ZNF880: variants seen among roughly 807,000 people sequenced by gnomAD.
The protein encoded by ZNF880 is zinc finger protein 880.
ZNF880 carries 12 observed loss-of-function variants against 11.8 expected under a neutral mutation model. That is an observed-to-expected ratio of 1.02 (90% CI 0.65 to 1.65). The LOEUF is 1.65. Among genes scored for constraint, ZNF880 ranks in the 40% most tolerant of loss-of-function variants. The pLI, the probability that ZNF880 is intolerant of heterozygous loss-of-function variation, is 0.00. For missense variants in ZNF880, 601 were observed against 673.9 expected (o/e 0.89, Z 1.20); for synonymous variants, 210 against 232.4 (o/e 0.90, Z 0.88).
upstream of ZNF880, among the ~76,000 whole-genome samples, chr19:52,368,679 T>G (rs1485439298): frequency 6.6e-6 from 1 of 152,166 alleles, no homozygotes; most frequent in Non-Finnish European, 1.5e-5. Context: ...AGCATGTATA[T>G]TTTTATATTT....
Position 52,384,521 on chromosome 19 carries a change from A to G in ZNF880, c.941A>G (p.His314Arg), listed in dbSNP as rs766510806. Residue 314 changes from histidine (H) to arginine (R), a missense_variant, in exon 4 of 4, where the codon CAT becomes CGT. By Grantham distance (29) the His-to-Arg change is conservative. Coordinates refer to ENST00000422689, the MANE Select transcript of ZNF880 (RefSeq NM_001145434.2). ...AACAGAAATGCACACCTTGCACGAC[A>G]TCAGAAAATTCATAGTGGAGAGAAA... Reference protein sequence around the residue: ...VFNRNAHLARHQKIHSGEKPY... With the variant: ...VFNRNAHLARRQKIHSGEKPY... 6 of 1,614,050 alleles carry G rather than the reference A, an allele frequency of 3.7e-6. No homozygotes were observed. Among genetic ancestry groups the G allele is most frequent in the Non-Finnish European group, 3.4e-6 (4 of 1,180,016 alleles).
chr19:52,384,481 T>C lies in ZNF880; in HGVS notation c.901T>C (p.Cys301Arg), dbSNP rs940427273. Residue 301 changes from cysteine to arginine, a missense_variant, in exon 4 of 4, where the codon TGT becomes CGT. Coordinates refer to ENST00000422689, the MANE Select transcript of ZNF880 (RefSeq NM_001145434.2). ...TGEKPYKCNE[C>R]GKVFNRNAHL... ...AGAGAAACCTTACAAATGTAATGAG[T>C]GTGGCAAGGTCTTCAACAGAAATGC... is the stretch of plus-strand genomic sequence containing the variant. 1.2e-6 allele frequency: 2 copies of C among 1,614,142 alleles called. No individual in the cohort carries two copies. The highest frequency in any genetic ancestry group is 1.7e-6 in the Non-Finnish European group (2 of 1,180,018).
In ZNF880 at chr19:52,374,359, A is replaced by C; in HGVS notation, c.200A>C (p.Asn67Thr). 6.2e-7 allele frequency: 1 copy of C among 1,612,988 alleles called. No individual in the cohort carries two copies. Among genetic ancestry groups the C allele is most frequent in the Non-Finnish European group, 8.5e-7 (1 of 1,179,192 alleles). ...SMLEQRRDPRNLQSEVKIANN... is the reference protein window; with the variant it reads ...SMLEQRRDPRTLQSEVKIANN... ...TTGGAGCAAAGGAGAGATCCCCGGA[A>C]TCTGCAGAGTGAAGTGAAAATAGCA... Residue 67 changes from asparagine (N) to threonine (T), a missense_variant, in exon 3 of 4, where the codon AAT becomes ACT. Asn to Thr is a moderately conservative substitution (Grantham distance 65, BLOSUM62 0). Transcript: ENST00000422689.
At chr19:52,373,024 G>T in intron 1 of ZNF880, 87 bp from the exon 2 acceptor site, 2 of 1,385,884 alleles carry the variant, frequency 1.4e-6, no homozygotes, top group Non-Finnish European at 2.0e-6. Flanking sequence ...GGATTTGTCA[G>T]AACATCCACT....
intron 3 of ZNF880, among the ~76,000 whole-genome samples, chr19:52,378,488 TA>T (rs1299089375): frequency 2.0e-5 from 3 of 149,918 alleles, no homozygotes; most frequent in South Asian, 2.1e-4. Context: ...ACTAAGAATA[TA>T]AAAAAAAATT....
upstream of ZNF880, among the ~76,000 whole-genome samples, chr19:52,368,957 CAG>C (rs1300997168): frequency 3.8e-5 from 3 of 79,156 alleles, no homozygotes; most frequent in Non-Finnish European, 6.5e-5. Context: ...GCCTGAAAGA[CAG>C]AGGGAGACCA....
intron 3 of ZNF880, chr19:52,374,837 T>G (rs896820462): frequency 2.7e-6 from 1 of 366,462 alleles, no homozygotes; most frequent in Non-Finnish European, 5.0e-6. Flanking sequence ...TGGGCTCATA[T>G]GATCATCTCA....
At chr19:52,368,398 T>C (rs1385502824), upstream of ZNF880, among the ~76,000 whole-genome samples, 1 of 152,176 alleles carries the variant, frequency 6.6e-6, no homozygotes, top group Non-Finnish European at 1.5e-5. Context: ...ATTTGAATTT[T>C]TGACCACTCT....
At chr19:52,392,396 G>A in the ZNF880 span, among the ~76,000 whole-genome samples, 1 of 152,138 alleles carries the variant, frequency 6.6e-6, no homozygotes, top group Non-Finnish European at 1.5e-5. Context: ...CACCTCCCGG[G>A]TTCAAGTGAT....
At chr19:52,373,669 ATTTT>A (rs35788651) in intron 2 of ZNF880, among the ~76,000 whole-genome samples, 1 of 102,578 alleles carries the variant, frequency 9.7e-6, no homozygotes, top group Admixed American at 1.2e-4. Context: ...AAATACTGTA[ATTTT>A]TTTTTTTTTT....
At chr19:52,393,891 C>T in the ZNF880 span, among the ~76,000 whole-genome samples, 4 of 127,200 alleles carry the variant, frequency 3.1e-5, no homozygotes, top group Middle Eastern at 5.4e-3. Flanking sequence ...GGCTGGAGTG[C>T]AGTGGCGCGA....
intron 3 of ZNF880, among the ~76,000 whole-genome samples, chr19:52,380,647 T>G (rs1986682452): frequency 6.6e-6 from 1 of 152,204 alleles, no homozygotes; most frequent in Admixed American, 6.5e-5. Context: ...AATCATTGTC[T>G]TGTAGTGCGT....
At chr19:52,373,728 C>T (rs1209999933) in intron 2 of ZNF880, among the ~76,000 whole-genome samples, 1 of 133,206 alleles carries the variant, frequency 7.5e-6, no homozygotes, top group Non-Finnish European at 1.5e-5. Context: ...GGCTGGAGTG[C>T]AGTGGCAGGA....
downstream of ZNF880, among the ~76,000 whole-genome samples, chr19:52,387,576 A>G (rs6509634): frequency 0.7 from 97,174 of 139,318 alleles, 37,786 homozygotes; most frequent in Middle Eastern, 0.84. Context: ...AGCTTCCCTA[A>G]TAGCTGGGAC....
At chr19:52,369,087 G>A (rs1202091802), upstream of ZNF880, among the ~76,000 whole-genome samples, 2 of 150,624 alleles carry the variant, frequency 1.3e-5, no homozygotes, top group Non-Finnish European at 2.9e-5. Context: ...ACTTGGCCGG[G>A]TGCGGTGGCT....
In ZNF880 at chr19:52,385,241, G is replaced by C. The variant is rs1600253406; in HGVS notation, c.1661G>C (p.Gly554Ala). 1 of 1,551,760 alleles carries C rather than the reference G, an allele frequency of 6.4e-7. No homozygotes were observed. The highest frequency in any genetic ancestry group is 1.4e-5 in the African/African-American group (1 of 73,002). The change falls in exon 4 of 4, where the codon GGT becomes GCT. Residue 554 changes from glycine to alanine, a missense_variant. By Grantham distance (60) the Gly-to-Ala change is moderately conservative. Around this residue, in one of 3 missense-constraint regions of ZNF880, gnomAD observed 177 missense variants for 214.5 expected, o/e 0.83. Transcript: ENST00000422689. ...GEKPYRCHECGKDFTRNSNLA... is the reference protein window; with the variant it reads ...GEKPYRCHECAKDFTRNSNLA... The stretch of plus-strand genomic sequence containing the variant: ...AAACCGTACAGATGTCATGAATGTG[G>C]TAAGGACTTCACTCGAAATTCAAAC...
rs1304757578 is a variant in ZNF880, at chr19:52,384,226, G to T, written c.646G>T (p.Glu216Ter). The change falls in exon 4 of 4, where the codon GAA (glutamate) becomes TAA (stop). Residue 216 changes from glutamate to a stop codon, truncating the protein, a stop_gained. Transcript: ENST00000422689. LOFTEE classifies it low-confidence loss of function (END_TRUNC). ...HTADNPYKCN[E>*]CDKVFSNSSN... ...TGCAGATAACCCTTACAAATGTAAT[G>T]AATGTGACAAGGTCTTCAGTAACAG... 5 of 1,612,516 alleles carry T rather than the reference G, an allele frequency of 3.1e-6. No individual in the cohort carries two copies. The highest frequency in any genetic ancestry group is 4.2e-6 in the Non-Finnish European group (5 of 1,179,092).
In ZNF880 at chr19:52,384,769, AATC is replaced by A; in HGVS notation, c.1195_1197del (p.His399del). 1 of 839,466 alleles carries A rather than the reference AATC, an allele frequency of 1.2e-6. No homozygotes were observed. Among genetic ancestry groups the A allele is most frequent in the Non-Finnish European group, 1.6e-6 (1 of 632,908 alleles). 52.0% of individuals were successfully genotyped at this position (839,466 alleles called of 1,614,324 possible). On this transcript the variant is annotated inframe_deletion, in exon 4 of 4. Coordinates refer to ENST00000422689, the MANE Select transcript of ZNF880 (RefSeq NM_001145434.2). Reference sequence around the variant, plus strand: ...CTTCAGGCACAAGTTTTGTCTAACCAATCATCATAGAATGCACACGGGAGAGCA... The same window carrying A: ...CTTCAGGCACAAGTTTTGTCTAACCAATCATAGAATGCACACGGGAGAGCA...
upstream of ZNF880, among the ~76,000 whole-genome samples, chr19:52,369,559 G>C (rs1399180051): frequency 1.3e-5 from 2 of 150,720 alleles, no homozygotes; most frequent in African/African-American, 4.9e-5. Context: ...GTATTTATTA[G>C]GCGCAAGGTT....
Sources: gnomAD v4.1 joint callset for allele counts (sites outside exome capture counted in the v4.1 genomes callset) on GRCh38, gnomAD v4.1.1 for gene constraint, gnomAD v4.1.1 regional missense constraint, MANE v1.5 for transcripts, NCBI Gene and HGNC (gene_info 2026-07-23, HGNC 2026-07-21) for gene names.